The following MARCHF5 variants were observed in gnomAD, a reference collection of about 807,000 sequenced individuals.
The protein encoded by MARCHF5 is E3 ubiquitin-protein ligase MARCHF5.
MARCHF5 carries 5 observed loss-of-function variants against 36.5 expected under a neutral mutation model. The ratio of observed to expected loss-of-function variants is 0.14; its 90% CI spans 0.07 to 0.29. The LOEUF is 0.29. MARCHF5 is among the 10% of genes least tolerant of loss of function. The pLI is 1.00. For missense variants in MARCHF5, 179 were observed against 336.3 expected, an observed-to-expected ratio of 0.53 and a Z score of 3.66; for synonymous variants, 103 against 109.9, an observed-to-expected ratio of 0.94 and a Z score of 0.39.
intron 2 of MARCHF5, among the ~76,000 whole-genome samples, chr10:92,331,978 T>C (rs920973876): frequency 6.8e-6 from 1 of 147,752 alleles, no homozygotes; most frequent in African/African-American, 2.5e-5. Flanking sequence ...TATATATATG[T>C]ATATATATAA....
rs1379614915 is a variant in MARCHF5 at position 92,353,545 on chromosome 10, A to G, written c.*2338A>G. 1 of 152,260 alleles carries G rather than the reference A, an allele frequency of 6.6e-6. No homozygotes were observed. Among genetic ancestry groups the G allele is most frequent in the Non-Finnish European group, 1.5e-5 (1 of 68,040 alleles). The allele number at this position is 152,260 out of a possible 1,614,324, so 9.4% of individuals were successfully genotyped here. On this transcript the variant is annotated 3_prime_UTR_variant, in exon 6 of 6. Coordinates refer to ENST00000358935, the MANE Select transcript of MARCHF5 (RefSeq NM_017824.5). Reference sequence around the variant, plus strand: ...AAGCAGTAGTTGTTTCTTAATTGCTAAGTAATCTGTTTGCACTCTAGGAAA... The same window carrying G: ...AAGCAGTAGTTGTTTCTTAATTGCTGAGTAATCTGTTTGCACTCTAGGAAA...
Position 92,296,432 on chromosome 10 carries a change from T to G in MARCHF5, c.35+4903T>G, listed in dbSNP as rs541914244. Among the ~76,000 whole-genome samples the G allele has an allele frequency of 1.8e-3, 274 of 152,252 alleles. 1 individual carries two copies. The highest frequency in any genetic ancestry group is 6.4e-3 in the African/African-American group (266 of 41,558). ...TTCTGTCTTTCATTGCTTCAATTCT[T>G]TAATAAGAAGTTGTTATATATTACT... On this transcript the variant is annotated intron_variant, in intron 1 of 5. Coordinates refer to ENST00000358935, the MANE Select transcript of MARCHF5 (RefSeq NM_017824.5).
chr10:92,307,799 G>A (rs1015524573), intron 1 of MARCHF5, among the ~76,000 whole-genome samples: 2 of 151,912 alleles, frequency 1.3e-5, no homozygotes, highest in South Asian at 2.1e-4. Context: ...CGCTTGAACC[G>A]GGAGGCGGAG....
At chr10:92,341,917 G>A (rs1465741019) in intron 3 of MARCHF5, among the ~76,000 whole-genome samples, 3 of 149,506 alleles carry the variant, frequency 2.0e-5, no homozygotes, top group Non-Finnish European at 4.4e-5. Flanking sequence ...AGCCTCCATA[G>A]TAGCTGGAAC....
At chr10:92,294,161 T>C (rs927062425) in intron 1 of MARCHF5, among the ~76,000 whole-genome samples, 5 of 152,208 alleles carry the variant, frequency 3.3e-5, no homozygotes, top group African/African-American at 1.2e-4. Context: ...AAGTCAGTGA[T>C]ATCTTTCATG....
intron 3 of MARCHF5, among the ~76,000 whole-genome samples, chr10:92,347,282 G>A (rs1843656214): frequency 1.3e-5 from 2 of 152,060 alleles, no homozygotes; most frequent in South Asian, 4.1e-4. Context: ...TCAGGAATTC[G>A]AGACCAACCT....
chr10:92,319,142 A>T (rs1437671991), intron 2 of MARCHF5, among the ~76,000 whole-genome samples: 3 of 152,248 alleles, frequency 2.0e-5, no homozygotes, highest in African/African-American at 7.2e-5. Flanking sequence ...CTGTGGTAAC[A>T]TAGTAGTGCA....
At chr10:92,295,839 A>G (rs1297902902) in intron 1 of MARCHF5, among the ~76,000 whole-genome samples, 1 of 151,868 alleles carries the variant, frequency 6.6e-6, no homozygotes. Context: ...GAATACATAT[A>G]CATACGTATA....
At chr10:92,317,791 C>T (rs1843231355) in intron 2 of MARCHF5, among the ~76,000 whole-genome samples, 2 of 149,352 alleles carry the variant, frequency 1.3e-5, no homozygotes, top group Non-Finnish European at 3.0e-5. Flanking sequence ...CGCTCTGTTG[C>T]CCAGGCTGGA....
chr10:92,338,976 C>T (rs777101263), intron 2 of MARCHF5, among the ~76,000 whole-genome samples: 42 of 150,744 alleles, frequency 2.8e-4, no homozygotes, highest in Non-Finnish European at 3.2e-4. Context: ...ACCCAGGAGG[C>T]GGAGGTTGTA....
intron 1 of MARCHF5, among the ~76,000 whole-genome samples, chr10:92,292,261 C>T (rs1291030846): frequency 1.3e-5 from 2 of 152,002 alleles, no homozygotes; most frequent in East Asian, 3.9e-4. Context: ...TCGGGTGCAC[C>T]GCCCTCTGCT....
chr10:92,340,958 A>C lies in MARCHF5; in HGVS notation c.369+155A>C, dbSNP rs11186927. ...TCCCCTACTTTTTCTTTACCCAAAA[A>C]GGAGCATATTATAGCTGTATCTCCC... On this transcript the variant is annotated intron_variant, in intron 3 of 5. Coordinates refer to ENST00000358935, the MANE Select transcript of MARCHF5 (RefSeq NM_017824.5). Among the ~76,000 whole-genome samples, 9 of 152,372 alleles carry C rather than the reference A, an allele frequency of 5.9e-5. No homozygotes were observed. In the East Asian group the frequency reaches 1.7e-3, roughly 29 times the overall value.
At chr10:92,304,044 G>A (rs1363268350) in intron 1 of MARCHF5, among the ~76,000 whole-genome samples, 2 of 152,194 alleles carry the variant, frequency 1.3e-5, no homozygotes, top group Non-Finnish European at 2.9e-5. Context: ...GGTAATAAGG[G>A]TGAAAGAAAA....
chr10:92,302,002 G>A (rs532350824), intron 1 of MARCHF5, among the ~76,000 whole-genome samples: 20 of 152,160 alleles, frequency 1.3e-4, no homozygotes, highest in Non-Finnish European at 2.5e-4. Context: ...CAGAGATTGC[G>A]GTGAGCTGAG....
At chr10:92,317,364 C>A (rs1843225064) in intron 2 of MARCHF5, among the ~76,000 whole-genome samples, 1 of 152,146 alleles carries the variant, frequency 6.6e-6, no homozygotes, top group East Asian at 1.9e-4. Flanking sequence ...CTCCCAAAAT[C>A]CTGGGATTGC....
Position 92,353,169 on chromosome 10 carries a change from C to G in MARCHF5, c.*1962C>G, listed in dbSNP as rs1226448617. 6.6e-6 allele frequency: 1 copy of G among 152,088 alleles called. No homozygotes were observed. Among genetic ancestry groups the G allele is most frequent in the East Asian group, 1.9e-4 (1 of 5,172 alleles). 9.4% of individuals were successfully genotyped at this position (152,088 alleles called of 1,614,324 possible). A position where few individuals can be genotyped will look rare whatever the true frequency, so the allele number is the denominator to read the frequency against. On this transcript the variant is annotated 3_prime_UTR_variant, in exon 6 of 6. Transcript: ENST00000358935. ...GTTGCGGGGAGGGAACTGCAAGTGC[C>G]TGAGGACCAGAGTGGCCTCTAGCCC...
At chr10:92,317,767 T>C (rs943487381) in intron 2 of MARCHF5, among the ~76,000 whole-genome samples, 1 of 151,924 alleles carries the variant, frequency 6.6e-6, no homozygotes, top group African/African-American at 2.4e-5. Context: ...TTTTTTTTTT[T>C]TGAGGCACAG....
chr10:92,351,375 G>T lies in MARCHF5; in HGVS notation c.*168G>T. On this transcript the variant is annotated 3_prime_UTR_variant, in exon 6 of 6. Coordinates refer to ENST00000358935, the MANE Select transcript of MARCHF5 (RefSeq NM_017824.5). Reference sequence around the variant, plus strand: ...CAGGGGAAATCATCTCGGTAATCATGGAACCTAAGGATGTGATTTGTTTTC... The same window carrying T: ...CAGGGGAAATCATCTCGGTAATCATTGAACCTAAGGATGTGATTTGTTTTC... The T allele has an allele frequency of 2.1e-6, 1 of 481,686 alleles. No individual in the cohort carries two copies. Among genetic ancestry groups the T allele is most frequent in the Non-Finnish European group, 3.6e-6 (1 of 274,256 alleles). The allele number at this position is 481,686 out of a possible 1,614,324, so 29.8% of individuals were successfully genotyped here.
Position 92,314,749 on chromosome 10 carries a change from C to T in MARCHF5, c.238+3412C>T, listed in dbSNP as rs1158335401. ...TATTTGCTGCTGCTGCTTCCCCCCG[C>T]CCCCCCCCGCCAATAGAGGTTGGGT... On this transcript the variant is annotated intron_variant, in intron 2 of 5. Coordinates refer to ENST00000358935, the MANE Select transcript of MARCHF5 (RefSeq NM_017824.5). 2.3e-3 allele frequency among the ~76,000 whole-genome samples: 4 copies of T among 1,760 alleles called. 1 individual carries two copies. In the Non-Finnish European group the frequency reaches 0.054, roughly 24 times the overall value. The allele number at this position is 1,760 out of a possible 152,430, so 1.2% of individuals were successfully genotyped here.
Sources: gnomAD v4.1 joint callset for allele counts (sites outside exome capture counted in the v4.1 genomes callset) on GRCh38, gnomAD v4.1.1 for gene constraint, MANE v1.5 for transcripts, NCBI Gene and HGNC (gene_info 2026-07-23, HGNC 2026-07-21) for gene names.